MORC4: variants seen among roughly 807,000 people sequenced by gnomAD.
MORC4 encodes MORC family CW-type zinc finger protein 4.
In MORC4, 22 loss-of-function variants were observed where a neutral mutation model predicts 65.5. The observed-to-expected ratio is 0.34, with a 90% CI of 0.24 to 0.48. MORC4 has a LOEUF of 0.48. Among genes scored for constraint, MORC4 ranks in the 20% least tolerant of loss-of-function variants. The probability of loss-of-function intolerance (pLI) is 0.99; values close to 1 mark genes in which losing one functional copy is unlikely to be tolerated. For missense variants in MORC4, 624 were observed against 703.0 expected (o/e 0.89, Z 1.27); for synonymous variants, 267 against 255.8 (o/e 1.04, Z -0.42).
At position 106,941,979 on chromosome X, in the gene MORC4, A is replaced by T. The variant is rs1260144100; in HGVS notation, c.2619T>A (p.Ala873=). 3 of 1,208,711 alleles carry T rather than the reference A, an allele frequency of 2.5e-6. No homozygotes were observed. The African/African-American group carries it at 5.3e-5, about 21-fold the overall frequency. Residue 873 remains alanine, a synonymous_variant, in exon 16 of 17, where the codon GCT becomes GCA. Coordinates refer to ENST00000355610, the MANE Select transcript of MORC4 (RefSeq NM_024657.5). Reference sequence around the variant, plus strand: ...CCTCTGGGGTCCGGTAGGAGACCTGAGCCTTCTGCAGCATTTCCAGGTGTG... The same window carrying T: ...CCTCTGGGGTCCGGTAGGAGACCTGTGCCTTCTGCAGCATTTCCAGGTGTG... The part of the protein sequence containing the change: ...TETHLEMLQK[A]QVSYRTPEGD...
intron 3 of MORC4, among the ~76,000 whole-genome samples, chrX:106,991,961 A>G (rs916741768): frequency 5.4e-5 from 6 of 111,596 alleles, no homozygotes; most frequent in African/African-American, 2.0e-4. Context: ...TACATACAGA[A>G]TTGAACATAT....
intron 14 of MORC4, among the ~76,000 whole-genome samples, chrX:106,945,414 T>TTG (rs35077497): frequency 0.19 from 15,894 of 82,899 alleles, 1,427 homozygotes; most frequent in East Asian, 0.36. Flanking sequence ...ACTTACTACT[T>TTG]TGTGTGTGTG....
chrX:106,996,779 C>T (rs975313825), intron 2 of MORC4, among the ~76,000 whole-genome samples: 5 of 112,123 alleles, frequency 4.5e-5, no homozygotes, highest in Non-Finnish European at 3.8e-5. Context: ...TTTTCTCTCT[C>T]CTAACTTGGC....
chrX:106,996,503 C>T (rs1013114448), intron 2 of MORC4, among the ~76,000 whole-genome samples: 2 of 111,232 alleles, frequency 1.8e-5, no homozygotes, highest in African/African-American at 6.5e-5. Flanking sequence ...AACAAGGCAC[C>T]GATCTGGAGG....
In MORC4 at chrX:106,958,482, G is replaced by T; in HGVS notation, c.1257-18C>A. On this transcript the variant is annotated intron_variant, in intron 10 of 16. Coordinates refer to ENST00000355610, the MANE Select transcript of MORC4 (RefSeq NM_024657.5). Reference sequence around the variant, plus strand: ...GAACCTTCCTGAATGAAGGAAAATGGAAGTGTGACTGTGTATATCTTAGCT... The same window carrying T: ...GAACCTTCCTGAATGAAGGAAAATGTAAGTGTGACTGTGTATATCTTAGCT... 1 of 1,194,706 alleles carries T rather than the reference G, an allele frequency of 8.4e-7. No homozygotes were observed. The highest frequency in any genetic ancestry group is 1.9e-5 in the South Asian group (1 of 53,448).
intron 13 of MORC4, among the ~76,000 whole-genome samples, chrX:106,956,139 GAA>G (rs1043226660): frequency 6.3e-5 from 7 of 111,713 alleles, no homozygotes; most frequent in African/African-American, 2.3e-4. Flanking sequence ...AATCCTAGAA[GAA>G]AAGAGACAGG....
At chrX:106,988,886 A>T (rs1343596146) in intron 3 of MORC4, among the ~76,000 whole-genome samples, 1 of 111,665 alleles carries the variant, frequency 9.0e-6, no homozygotes, top group Non-Finnish European at 1.9e-5. Flanking sequence ...CAGAGAGGTA[A>T]ATTTAAATTG....
intron 14 of MORC4, among the ~76,000 whole-genome samples, chrX:106,946,339 A>T (rs1324909102): frequency 8.9e-6 from 1 of 112,575 alleles, no homozygotes; most frequent in Non-Finnish European, 1.9e-5. Context: ...GAATAATAAA[A>T]CATATGGCTT....
intron 9 of MORC4, among the ~76,000 whole-genome samples, chrX:106,966,241 G>A (rs1934369968): frequency 8.9e-6 from 1 of 112,274 alleles, no homozygotes; most frequent in Non-Finnish European, 1.9e-5. Flanking sequence ...ACAATCTTTT[G>A]ATAATATCTC....
intron 9 of MORC4, among the ~76,000 whole-genome samples, chrX:106,967,669 T>C (rs1477320435): frequency 8.9e-6 from 1 of 111,863 alleles, no homozygotes; most frequent in East Asian, 2.8e-4. Flanking sequence ...TCGTGAAGCA[T>C]ACACAAGCTT....
At chrX:106,955,818 C>T (rs149665395) in intron 13 of MORC4, among the ~76,000 whole-genome samples, 3,410 of 111,225 alleles carry the variant, frequency 0.031, 137 homozygotes, top group African/African-American at 0.11. Flanking sequence ...GAAGGTGAAT[C>T]TAACATGCGA....
intron 5 of MORC4, among the ~76,000 whole-genome samples, chrX:106,984,465 CTTTTTTT>C (rs762110163): frequency 0.18 from 12,950 of 70,809 alleles, 1,032 homozygotes; most frequent in South Asian, 0.33. Flanking sequence ...TTTCTTTTTT[CTTTTTTT>C]TTTTTTTTTT....
At chrX:106,990,171 G>C (rs1488268995) in intron 3 of MORC4, among the ~76,000 whole-genome samples, 2 of 108,184 alleles carry the variant, frequency 1.8e-5, no homozygotes, top group Non-Finnish European at 3.8e-5. Context: ...CCTGGCGACA[G>C]AGCAAAACTC....
chrX:106,975,025 T>G (rs1435054976), intron 9 of MORC4, among the ~76,000 whole-genome samples: 1 of 111,445 alleles, frequency 9.0e-6, no homozygotes, highest in Non-Finnish European at 1.9e-5. Context: ...TGAATAAATC[T>G]ACTGTCTACA....
In MORC4 at chrX:106,985,226, C is replaced by T. The variant is rs773446384; in HGVS notation, c.544G>A (p.Glu182Lys). Residue 182 changes from glutamate to lysine, a missense_variant, in exon 5 of 17, where the codon GAG (glutamate) becomes AAG (lysine). By Grantham distance (56) the Glu-to-Lys change is moderately conservative. Coordinates refer to ENST00000355610, the MANE Select transcript of MORC4 (RefSeq NM_024657.5). ...GCTTCTAGGCTGGGCAATGAATCCT[C>T]GGTAATAATCATTTTTTGTAAAATC... The part of the protein sequence containing the change: ...NQQNKKMIIT[E>K]DSLPSLEAIL... The T allele has an allele frequency of 4.5e-5, 52 of 1,156,265 alleles. No individual in the cohort carries two copies. The highest frequency in any genetic ancestry group is 5.6e-5 in the Non-Finnish European group (48 of 862,763).
intron 12 of MORC4, 85 bp downstream of exon 12, chrX:106,956,849 TTC>T (rs1934117908): frequency 1.4e-6 from 1 of 708,223 alleles, no homozygotes; most frequent in African/African-American, 2.2e-5. Flanking sequence ...ACCAAAAAAA[TTC>T]TCTCTTCTCA....
intron 9 of MORC4, among the ~76,000 whole-genome samples, chrX:106,969,548 C>T (rs938197493): frequency 1.8e-5 from 2 of 110,830 alleles, no homozygotes; most frequent in African/African-American, 6.6e-5. Flanking sequence ...GCTGATTTTT[C>T]GAAAAGAGCA....
At chrX:106,961,044 G>T (rs1934230468) in intron 10 of MORC4, among the ~76,000 whole-genome samples, 2 of 111,459 alleles carry the variant, frequency 1.8e-5, no homozygotes, top group African/African-American at 6.5e-5. Context: ...GTCTGTCTTA[G>T]AGTCAATAAA....
In MORC4 at chrX:106,980,752, G is replaced by C. The variant is rs1934722923; in HGVS notation, c.936+139C>G. 1.2e-5 allele frequency: 6 copies of C among 482,055 alleles called. No homozygotes were observed. In the African/African-American group the frequency reaches 1.5e-4, roughly 12 times the overall value. 39.7% of individuals were successfully genotyped at this position (482,055 alleles called of 1,213,427 possible). On this transcript the variant is annotated intron_variant, in intron 7 of 16. Coordinates refer to ENST00000355610, the MANE Select transcript of MORC4 (RefSeq NM_024657.5). ...GGCATTTAAGAAAGACTTCCTCAGA[G>C]TACACTGTAATAGAATGTGTACTAT...
Sources: gnomAD v4.1 joint callset for allele counts (sites outside exome capture counted in the v4.1 genomes callset) on GRCh38, gnomAD v4.1.1 for gene constraint, MANE v1.5 for transcripts, NCBI Gene and HGNC (gene_info 2026-07-23, HGNC 2026-07-21) for gene names.